The following PRKG1 variants were observed in gnomAD, a reference collection of about 807,000 sequenced individuals.
PRKG1 encodes protein kinase cGMP-dependent 1, also known as cGMP-dependent protein kinase 1.
A neutral mutation model predicts 88.1 loss-of-function variants in PRKG1; 35 were observed. The ratio of observed to expected loss-of-function variants is 0.40; its 90% CI spans 0.30 to 0.53. PRKG1 has a LOEUF of 0.53. Ranked by LOEUF, PRKG1 falls within the 20% of genes least tolerant of loss-of-function variation. The pLI is 0.59. For synonymous variants in PRKG1, 303 were observed against 292.5 expected, an observed-to-expected ratio of 1.04 and a Z score of -0.37; for missense variants, 540 against 839.8, an observed-to-expected ratio of 0.64 and a Z score of 4.41.
At chr10:52,118,984 T>G (rs953851248) in intron 7 of PRKG1, among the ~76,000 whole-genome samples, 1 of 152,170 alleles carries the variant, frequency 6.6e-6, no homozygotes, top group Non-Finnish European at 1.5e-5. Flanking sequence ...TACACATTTA[T>G]TACATTTTCT....
At chr10:51,457,855 A>G (rs1359546413) in intron 2 of PRKG1, among the ~76,000 whole-genome samples, 1 of 151,930 alleles carries the variant, frequency 6.6e-6, no homozygotes, top group Non-Finnish European at 1.5e-5. Context: ...AGTCCTCCTT[A>G]TTTTGTCCTC....
At chr10:51,281,123 G>A (rs191300521) in intron 2 of PRKG1, among the ~76,000 whole-genome samples, 4 of 152,296 alleles carry the variant, frequency 2.6e-5, no homozygotes, top group Non-Finnish European at 4.4e-5. Flanking sequence ...TTTGCTGGAC[G>A]TCCACTCCGA....
intron 1 of PRKG1, among the ~76,000 whole-genome samples, chr10:51,042,451 C>CA (rs1237098172): frequency 6.6e-6 from 1 of 152,062 alleles, no homozygotes; most frequent in African/African-American, 2.4e-5. Flanking sequence ...GGGCTTTGGC[C>CA]AAACTGAGCT....
At chr10:51,766,787 A>T (rs1344146303) in intron 3 of PRKG1, among the ~76,000 whole-genome samples, 2 of 152,164 alleles carry the variant, frequency 1.3e-5, no homozygotes, top group African/African-American at 4.8e-5. Context: ...TTTAACATGT[A>T]AAACTGGGGT....
intron 1 of PRKG1, among the ~76,000 whole-genome samples, chr10:51,008,483 C>A (rs1466617995): frequency 1.3e-5 from 2 of 152,158 alleles, no homozygotes; most frequent in African/African-American, 2.4e-5. Context: ...CTTCCCTTGC[C>A]TCTTTCTAGC....
intron 5 of PRKG1, chr10:51,908,580 G>T (rs1022834978): frequency 1.5e-4 from 22 of 151,412 alleles, no homozygotes; most frequent in African/African-American, 5.4e-4. Flanking sequence ...CAAAATTGTT[G>T]TGGCTGCTGT....
intron 5 of PRKG1, 58 bp downstream of exon 5, chr10:51,907,628 T>C: frequency 1.4e-6 from 2 of 1,421,362 alleles, no homozygotes; most frequent in Non-Finnish European, 2.0e-6. Context: ...TTGGCTGGCT[T>C]CTTTCACAGC....
chr10:51,095,860 A>T (rs1330290099), intron 1 of PRKG1, among the ~76,000 whole-genome samples: 3 of 152,160 alleles, frequency 2.0e-5, no homozygotes, highest in South Asian at 2.1e-4. Context: ...TCTTCATTTT[A>T]TTGAAGTCAT....
intron 2 of PRKG1, among the ~76,000 whole-genome samples, chr10:51,365,080 T>TAGCTCTATA (rs1461832977): frequency 1.7e-4 from 26 of 151,942 alleles, no homozygotes; most frequent in Admixed American, 3.3e-4. Flanking sequence ...AGACCATTAC[T>TAGCTCTATA]AGCTCTATAA....
chr10:51,824,941 T>C (rs72799444), intron 4 of PRKG1, among the ~76,000 whole-genome samples: 3,596 of 152,310 alleles, frequency 0.024, 75 homozygotes, highest in Non-Finnish European at 0.04. Context: ...ACCCAAATCA[T>C]ATCAGTGTTC....
chr10:52,267,201 G>A lies in PRKG1; in HGVS notation c.1174-4149G>A, dbSNP rs56218535. 8.8e-3 allele frequency among the ~76,000 whole-genome samples: 1,340 copies of A among 152,104 alleles called. 19 individuals are homozygous for A. Among genetic ancestry groups the A allele is most frequent in the African/African-American group, 0.031 (1,278 of 41,524 alleles). On this transcript the variant is annotated intron_variant, in intron 10 of 17. Coordinates refer to ENST00000373980, the MANE Select transcript of PRKG1 (RefSeq NM_006258.4). Reference sequence around the variant, plus strand: ...TAAAATATTTTTATAATAAAACCTAGTATCTTAGGCTCAACAAATACAAAT... The same window carrying A: ...TAAAATATTTTTATAATAAAACCTAATATCTTAGGCTCAACAAATACAAAT...
intron 14 of PRKG1, among the ~76,000 whole-genome samples, chr10:52,287,158 C>G (rs1842134584): frequency 6.6e-6 from 1 of 151,806 alleles, no homozygotes; most frequent in South Asian, 2.1e-4. Flanking sequence ...CAAGATGTGG[C>G]TCCTCCTCAT....
intron 2 of PRKG1, among the ~76,000 whole-genome samples, chr10:51,352,142 T>C (rs1842262473): frequency 6.6e-6 from 1 of 152,214 alleles, no homozygotes. Flanking sequence ...TTTTGATTAC[T>C]GTAGCCCTGT....
At chr10:51,437,769 C>A (rs1030184942) in intron 2 of PRKG1, among the ~76,000 whole-genome samples, 2 of 150,654 alleles carry the variant, frequency 1.3e-5, no homozygotes, top group Non-Finnish European at 1.5e-5. Flanking sequence ...AGGTGACCTG[C>A]CTCTTCACAG....
intron 3 of PRKG1, among the ~76,000 whole-genome samples, chr10:51,720,257 G>A (rs1841980802): frequency 6.6e-6 from 1 of 151,862 alleles, no homozygotes; most frequent in Admixed American, 6.6e-5. Context: ...ATAGCTTCTC[G>A]TATCTTACCA....
Position 51,474,647 on chromosome 10 carries a change from A to G in PRKG1, c.592+6811A>G, listed in dbSNP as rs1840142701. On this transcript the variant is annotated intron_variant, in intron 3 of 17. Coordinates refer to ENST00000373980, the MANE Select transcript of PRKG1 (RefSeq NM_006258.4). Reference sequence around the variant, plus strand: ...TACATTTTTTTACATAAAATATGTTAGTTAATAAATTTCTTCAAAGGAGGA... The same window carrying G: ...TACATTTTTTTACATAAAATATGTTGGTTAATAAATTTCTTCAAAGGAGGA... Among the ~76,000 whole-genome samples, 3 of 152,066 alleles carry G rather than the reference A, an allele frequency of 2.0e-5. No homozygotes were observed. In the South Asian group the frequency reaches 6.2e-4, roughly 32 times the overall value.
intron 3 of PRKG1, among the ~76,000 whole-genome samples, chr10:51,628,510 T>C (rs1233627806): frequency 1.3e-5 from 2 of 152,210 alleles, no homozygotes; most frequent in Middle Eastern, 3.4e-3. Flanking sequence ...TCCCTCAACA[T>C]TGGGGTGATA....
At chr10:51,722,974 C>T (rs11594325) in intron 3 of PRKG1, among the ~76,000 whole-genome samples, 67,227 of 151,946 alleles carry the variant, frequency 0.44, 15,478 homozygotes, top group Middle Eastern at 0.57. Flanking sequence ...TTCTCTGTGG[C>T]TCATCCAGCC....
chr10:51,610,237 T>C (rs963865016), intron 3 of PRKG1, among the ~76,000 whole-genome samples: 1 of 152,166 alleles, frequency 6.6e-6, no homozygotes, highest in African/African-American at 2.4e-5. Flanking sequence ...ATTCCTTCTA[T>C]TGAACTGTGT....
Sources: allele counts gnomAD v4.1 joint callset (sites outside exome capture counted in the v4.1 genomes callset), GRCh38; gene constraint gnomAD v4.1.1; transcripts MANE v1.5; gene names NCBI Gene and HGNC (gene_info 2026-07-23, HGNC 2026-07-21).